Variants in LHFPL3 observed in about 807,000 individuals in gnomAD.
LHFPL3 encodes the protein LHFPL tetraspan subfamily member 3 protein.
Under a neutral mutation model 19.3 loss-of-function variants are expected in LHFPL3, and 5 were observed. That is an observed-to-expected ratio of 0.26 (90% CI 0.14 to 0.54). LHFPL3 has a LOEUF of 0.54. LHFPL3 is among the 20% of genes least tolerant of loss of function. The pLI is 0.94. For synonymous variants in LHFPL3, 133 were observed against 126.2 expected (o/e 1.05, Z -0.36); for missense variants, 249 against 307.4 (o/e 0.81, Z 1.42).
rs560399648 is a variant in LHFPL3, at chr7:104,520,914, A to C, written c.445+191690A>C. Among the ~76,000 whole-genome samples the C allele has an allele frequency of 4.8e-3, 718 of 150,104 alleles. 6 individuals carry two copies. Among genetic ancestry groups the C allele is most frequent in the Non-Finnish European group, 8.3e-3 (562 of 67,482 alleles). On this transcript the variant is annotated intron_variant, in intron 1 of 2. Coordinates refer to ENST00000424859, the MANE Select transcript of LHFPL3 (RefSeq NM_199000.3). ...AAAAAACTAGCTCCTGGATTCATTAATTTTTTGAAGGGTTTTTTGTGTCTC... is the reference window on the plus strand; with the variant it reads ...AAAAAACTAGCTCCTGGATTCATTACTTTTTTGAAGGGTTTTTTGTGTCTC...
chr7:104,650,024 G>A (rs1263703953), intron 1 of LHFPL3, among the ~76,000 whole-genome samples: 3 of 152,140 alleles, frequency 2.0e-5, no homozygotes, highest in African/African-American at 7.2e-5. Context: ...CCAGTACAGG[G>A]GCAAGAGAGC....
At chr7:104,869,701 G>C (rs1409663030) in intron 2 of LHFPL3, among the ~76,000 whole-genome samples, 7 of 152,238 alleles carry the variant, frequency 4.6e-5, no homozygotes, top group East Asian at 1.9e-4. Flanking sequence ...CAGGGATCTA[G>C]AACTAGAAAT....
chr7:104,438,888 C>T (rs1485189645), intron 1 of LHFPL3, among the ~76,000 whole-genome samples: 1 of 151,888 alleles, frequency 6.6e-6, no homozygotes, highest in African/African-American at 2.4e-5. Flanking sequence ...ATACTACCAA[C>T]ATCACAAAGA....
chr7:104,352,128 G>A (rs555461726), intron 1 of LHFPL3, among the ~76,000 whole-genome samples: 12 of 151,116 alleles, frequency 7.9e-5, no homozygotes, highest in African/African-American at 2.4e-4. Context: ...TTTCACCACC[G>A]CACTCCAGCT....
At chr7:104,581,315 A>G (rs1181204243) in intron 1 of LHFPL3, among the ~76,000 whole-genome samples, 1 of 152,080 alleles carries the variant, frequency 6.6e-6, no homozygotes, top group Non-Finnish European at 1.5e-5. Flanking sequence ...GCCTGTTCAG[A>G]GATCTATTTT....
At position 104,552,732 on chromosome 7, in the gene LHFPL3, G is replaced by A. The variant is rs1022321101; in HGVS notation, c.446-183943G>A. 2.0e-5 allele frequency among the ~76,000 whole-genome samples: 3 copies of A among 152,260 alleles called. No individual in the cohort carries two copies. In the East Asian group the frequency reaches 5.8e-4, roughly 29 times the overall value. ...GTGTATATATGTAAATTTTATAATG[G>A]AAATATTTTAAGTGTAGAGGATTTT... On this transcript the variant is annotated intron_variant, in intron 1 of 2. Coordinates refer to ENST00000424859, the MANE Select transcript of LHFPL3 (RefSeq NM_199000.3).
intron 1 of LHFPL3, among the ~76,000 whole-genome samples, chr7:104,557,332 AAT>A (rs1471524497): frequency 6.6e-6 from 1 of 152,194 alleles, no homozygotes; most frequent in Non-Finnish European, 1.5e-5. Context: ...GAGGCCTCAC[AAT>A]CATGGCAGAA....
chr7:104,834,377 G>C (rs1033385439), intron 2 of LHFPL3, among the ~76,000 whole-genome samples: 1 of 151,494 alleles, frequency 6.6e-6, no homozygotes, highest in African/African-American at 2.4e-5. Flanking sequence ...GGACTTTCTT[G>C]GCTTTCAGCC....
At chr7:104,462,553 T>C (rs1369306410) in intron 1 of LHFPL3, among the ~76,000 whole-genome samples, 2 of 152,234 alleles carry the variant, frequency 1.3e-5, no homozygotes, top group Non-Finnish European at 2.9e-5. Context: ...TGATTTGCGT[T>C]ATGTTGAACC....
At chr7:104,378,386 A>T (rs1250622473) in intron 1 of LHFPL3, among the ~76,000 whole-genome samples, 2 of 152,074 alleles carry the variant, frequency 1.3e-5, no homozygotes, top group African/African-American at 4.8e-5. Context: ...TTATTAGTTC[A>T]TTTCTCTTCA....
chr7:104,411,817 A>C (rs1791540599), intron 1 of LHFPL3, among the ~76,000 whole-genome samples: 1 of 152,226 alleles, frequency 6.6e-6, no homozygotes, highest in African/African-American at 2.4e-5. Context: ...AAAAAATAAA[A>C]ATGTTTCTTT....
chr7:104,583,704 A>G, intron 1 of LHFPL3, among the ~76,000 whole-genome samples: 1 of 152,184 alleles, frequency 6.6e-6, no homozygotes, highest in Non-Finnish European at 1.5e-5. Flanking sequence ...AACACATGAA[A>G]AAATGCTCAT....
At position 104,898,006 on chromosome 7, in the gene LHFPL3, C is replaced by CTTTTTTTTTT. The variant is rs71155536; in HGVS notation, c.683-8169_683-8160dup. 2.6e-3 allele frequency among the ~76,000 whole-genome samples: 253 copies of CTTTTTTTTTT among 96,792 alleles called. 21 individuals are homozygous for CTTTTTTTTTT. Among genetic ancestry groups the CTTTTTTTTTT allele is most frequent in the African/African-American group, 5.7e-3 (138 of 24,292 alleles). The allele number at this position is 96,792 out of a possible 152,430, so 63.5% of individuals were successfully genotyped here. A position where few individuals can be genotyped will look rare whatever the true frequency, so the allele number is the denominator to read the frequency against. On this transcript the variant is annotated intron_variant, in intron 2 of 2. Transcript: ENST00000424859. The stretch of plus-strand genomic sequence containing the variant: ...CTGCTGACAGAAAGAAATGTCACCC[C>CTTTTTTTTTT]TTTTTTTTTTTTTTTTTTTTTGATA...
chr7:104,549,556 G>C (rs1344564236), intron 1 of LHFPL3, among the ~76,000 whole-genome samples: 3 of 151,842 alleles, frequency 2.0e-5, no homozygotes, highest in Non-Finnish European at 2.9e-5. Context: ...TGGAGTGGTA[G>C]GGACCCACAA....
chr7:104,848,657 G>GGAAAGGAGGA (rs1346125158), intron 2 of LHFPL3, among the ~76,000 whole-genome samples: 1 of 27,906 alleles, frequency 3.6e-5, no homozygotes, highest in Non-Finnish European at 2.8e-4. Flanking sequence ...AAAGGAGAAG[G>GGAAAGGAGGA]GGAAAGGAGG....
intron 2 of LHFPL3, among the ~76,000 whole-genome samples, chr7:104,866,815 C>T (rs1020948437): frequency 1.3e-5 from 2 of 152,170 alleles, no homozygotes; most frequent in African/African-American, 4.8e-5. Context: ...AAACTGCCCA[C>T]ATAGTAGGAA....
chr7:104,525,615 T>G (rs1381778723), intron 1 of LHFPL3, among the ~76,000 whole-genome samples: 8 of 151,114 alleles, frequency 5.3e-5, no homozygotes, highest in Non-Finnish European at 1.0e-4. Context: ...GGTTTTTTTT[T>G]TTTTTTTTTG....
chr7:104,408,778 G>T (rs1490223518), intron 1 of LHFPL3, among the ~76,000 whole-genome samples: 1 of 151,962 alleles, frequency 6.6e-6, no homozygotes, highest in Non-Finnish European at 1.5e-5. Flanking sequence ...AATGAGTACC[G>T]TGATAGACTA....
chr7:104,733,013 T>A (rs766794068), intron 1 of LHFPL3, among the ~76,000 whole-genome samples: 1 of 152,206 alleles, frequency 6.6e-6, no homozygotes, highest in Non-Finnish European at 1.5e-5. Flanking sequence ...GGTTGTTCAG[T>A]TTCCATGTAG....
Sources: allele counts gnomAD v4.1 joint callset (sites outside exome capture counted in the v4.1 genomes callset), GRCh38; gene constraint gnomAD v4.1.1; transcripts MANE v1.5; gene names NCBI Gene and HGNC (gene_info 2026-07-23, HGNC 2026-07-21).